Variants in CHST9 observed in about 807,000 individuals in gnomAD.
The protein encoded by CHST9 is GalNAc-4-sulfotransferase 2.
CHST9 carries 41 observed loss-of-function variants against 44.4 expected under a neutral mutation model. The ratio of observed to expected loss-of-function variants is 0.92; its 90% CI spans 0.72 to 1.20. CHST9 has a LOEUF of 1.20. CHST9 is among the 50% of genes most tolerant of loss of function. The pLI is 0.00. For missense variants in CHST9, 504 were observed against 516.5 expected, an observed-to-expected ratio of 0.98 and a Z score of 0.23; for synonymous variants, 171 against 178.4, an observed-to-expected ratio of 0.96 and a Z score of 0.33.
intron 4 of CHST9, among the ~76,000 whole-genome samples, chr18:27,000,984 ATAC>A (rs2145226519): frequency 6.6e-6 from 1 of 152,320 alleles, no homozygotes; most frequent in East Asian, 1.9e-4. Context: ...ATGATCTTGC[ATAC>A]CCCTTGGGAT....
At chr18:27,184,258 G>A (rs747053683) in intron 1 of CHST9, among the ~76,000 whole-genome samples, 5 of 152,136 alleles carry the variant, frequency 3.3e-5, no homozygotes, top group Non-Finnish European at 5.9e-5. Flanking sequence ...ATGTTTGTGG[G>A]AGGGAGCTGG....
intron 1 of CHST9, among the ~76,000 whole-genome samples, chr18:27,151,957 A>AT (rs751433019): frequency 6.6e-6 from 1 of 152,214 alleles, no homozygotes; most frequent in Non-Finnish European, 1.5e-5. Flanking sequence ...GCAAAGTATC[A>AT]TTTTGAAGGA....
intron 4 of CHST9, among the ~76,000 whole-genome samples, chr18:26,983,581 C>A (rs1233648961): frequency 6.6e-6 from 1 of 152,114 alleles, no homozygotes; most frequent in Admixed American, 6.5e-5. Flanking sequence ...AGCCATGGGT[C>A]GATTAAATCT....
intron 3 of CHST9, among the ~76,000 whole-genome samples, chr18:27,031,782 T>C (rs1001863459): frequency 2.6e-5 from 4 of 152,188 alleles, no homozygotes; most frequent in African/African-American, 9.7e-5. Flanking sequence ...ATCCTTCTGT[T>C]TGAAAAATTC....
chr18:26,919,138 A>G (rs1346530325), intron 5 of CHST9, among the ~76,000 whole-genome samples: 3 of 151,960 alleles, frequency 2.0e-5, no homozygotes, highest in Non-Finnish European at 2.9e-5. Context: ...TGATTCAATT[A>G]CCTCCCACCT....
In CHST9 at chr18:26,911,302, A is replaced by G. The variant is rs531766228; in HGVS notation, c.*4957T>C. The G allele has an allele frequency of 6.6e-6, 1 of 152,344 alleles. No homozygotes were observed. Among genetic ancestry groups the G allele is most frequent in the African/African-American group, 2.4e-5 (1 of 41,572 alleles). 9.4% of individuals were successfully genotyped at this position (152,344 alleles called of 1,614,324 possible). A position where few individuals can be genotyped will look rare whatever the true frequency, so the allele number is the denominator to read the frequency against. Reference sequence around the variant, plus strand: ...GACACAGTTCCTTTCCTCTTGGAAGACCTAAGACATTCCAATGACAACAAC... The same window carrying G: ...GACACAGTTCCTTTCCTCTTGGAAGGCCTAAGACATTCCAATGACAACAAC... On this transcript the variant is annotated 3_prime_UTR_variant, in exon 6 of 6. Transcript: ENST00000618847.
rs1053584469 is a variant in CHST9 at position 26,944,428 on chromosome 18, T to C, written c.203-62A>G. ...CATGAAAATGAATAAAATGCGGTAC[T>C]GATGCTGCTCTGTTTACAGTAAACA... is the stretch of plus-strand genomic sequence containing the variant. On this transcript the variant is annotated intron_variant, in intron 4 of 5. Coordinates refer to ENST00000618847, the MANE Select transcript of CHST9 (RefSeq NM_031422.6). 4.0e-5 allele frequency: 47 copies of C among 1,178,458 alleles called. 2 individuals are homozygous for C. Among genetic ancestry groups the C allele is most frequent in the Middle Eastern group, 1.9e-4 (1 of 5,242 alleles). 73.0% of individuals were successfully genotyped at this position (1,178,458 alleles called of 1,614,324 possible).
At chr18:27,100,761 A>G (rs182160800) in intron 2 of CHST9, among the ~76,000 whole-genome samples, 5 of 152,360 alleles carry the variant, frequency 3.3e-5, no homozygotes, top group African/African-American at 1.2e-4. Flanking sequence ...TCATAATATG[A>G]TAAGAAAATC....
intron 1 of CHST9, among the ~76,000 whole-genome samples, chr18:27,153,552 G>C (rs1287473408): frequency 1.4e-4 from 19 of 134,148 alleles, no homozygotes; most frequent in South Asian, 6.9e-4. Context: ...CTCTCTGTGT[G>C]TGTGTGTGTG....
intron 1 of CHST9, among the ~76,000 whole-genome samples, chr18:27,154,518 CGG>C (rs2058683411): frequency 1.3e-5 from 2 of 151,860 alleles, no homozygotes; most frequent in African/African-American, 4.8e-5. Flanking sequence ...GAAGATCACC[CGG>C]ATGTGGTGTG....
At chr18:26,961,381 G>A (rs913438446) in intron 4 of CHST9, among the ~76,000 whole-genome samples, 7 of 152,208 alleles carry the variant, frequency 4.6e-5, no homozygotes, top group East Asian at 1.9e-4. Context: ...CGTTAAGGCC[G>A]GGTGGGAAAG....
chr18:27,103,309 G>C (rs1244036774), intron 2 of CHST9, among the ~76,000 whole-genome samples: 1 of 152,148 alleles, frequency 6.6e-6, no homozygotes, highest in African/African-American at 2.4e-5. Flanking sequence ...CCCCAGTCCT[G>C]ACTCCCCTTG....
At chr18:27,094,307 T>A (rs1380686252) in intron 2 of CHST9, among the ~76,000 whole-genome samples, 1 of 152,208 alleles carries the variant, frequency 6.6e-6, no homozygotes, top group East Asian at 1.9e-4. Flanking sequence ...CAAAATCTTA[T>A]TCAAAGAAAA....
chr18:27,170,792 G>A lies in CHST9; in HGVS notation c.-97+14344C>T, dbSNP rs188667005. ...AATCGTGTAAAATCTAGAGGGAGAA[G>A]AGAACAAGAATCGACACATCTACCT... On this transcript the variant is annotated intron_variant, in intron 1 of 5. Coordinates refer to ENST00000618847, the MANE Select transcript of CHST9 (RefSeq NM_031422.6). Among the ~76,000 whole-genome samples the A allele has an allele frequency of 7.2e-5, 11 of 152,268 alleles. No individual in the cohort carries two copies. The East Asian group carries it at 2.1e-3, about 29-fold the overall frequency.
chr18:27,001,160 G>A lies in CHST9; in HGVS notation c.202+22956C>T, dbSNP rs1346894598. Among the ~76,000 whole-genome samples the A allele has an allele frequency of 2.0e-5, 3 of 152,062 alleles. No individual in the cohort carries two copies. The East Asian group carries it at 5.8e-4, about 29-fold the overall frequency. On this transcript the variant is annotated intron_variant, in intron 4 of 5. Transcript: ENST00000618847. ...AAACAGGGTCTTTGAAAAATGAGGA[G>A]GATACAAAACATAATGTAGGAGGTG...
rs1201999943 is a variant in CHST9, at chr18:26,934,237, C to CT, written c.240+10091dup. 1,045 of 142,982 alleles carry CT rather than the reference C, an allele frequency of 7.3e-3. 13 individuals carry two copies. Among genetic ancestry groups the CT allele is most frequent in the Admixed American group, 0.017 (240 of 14,288 alleles). The allele number at this position is 142,982 out of a possible 1,614,324, so 8.9% of individuals were successfully genotyped here. A position where few individuals can be genotyped will look rare whatever the true frequency, so the allele number is the denominator to read the frequency against. On this transcript the variant is annotated intron_variant, in intron 5 of 5. Transcript: ENST00000618847. The stretch of plus-strand genomic sequence containing the variant: ...GAAGTAATTTACATTTTCTTTCTTT[C>CT]TTTTTTTTTTTTTTTGAAACGGAGT...
intron 1 of CHST9, among the ~76,000 whole-genome samples, chr18:27,169,396 AT>A (rs1454924171): frequency 6.6e-6 from 1 of 152,180 alleles, no homozygotes; most frequent in African/African-American, 2.4e-5. Context: ...GCATCAAAAA[AT>A]ATAAGGCAAA....
At chr18:26,975,699 ATG>A (rs1193174384) in intron 4 of CHST9, among the ~76,000 whole-genome samples, 3 of 114,326 alleles carry the variant, frequency 2.6e-5, no homozygotes, top group African/African-American at 9.7e-5. Flanking sequence ...GTGTATATAT[ATG>A]TGTATATATG....
chr18:26,963,151 G>A (rs1015743336), intron 4 of CHST9, among the ~76,000 whole-genome samples: 1 of 152,036 alleles, frequency 6.6e-6, no homozygotes, highest in Non-Finnish European at 1.5e-5. Flanking sequence ...ACACTCATGG[G>A]GTCATATGTG....
Sources: gnomAD v4.1 joint callset for allele counts (sites outside exome capture counted in the v4.1 genomes callset) on GRCh38, gnomAD v4.1.1 for gene constraint, MANE v1.5 for transcripts, NCBI Gene and HGNC (gene_info 2026-07-23, HGNC 2026-07-21) for gene names.